PDE4B: variants seen among roughly 807,000 people sequenced by gnomAD.
PDE4B encodes the protein phosphodiesterase 4B.
PDE4B carries 20 observed loss-of-function variants against 82.2 expected under a neutral mutation model. The observed-to-expected ratio is 0.24, with a 90% CI of 0.17 to 0.35. The LOEUF (loss-of-function observed/expected upper bound fraction) is 0.35. PDE4B is among the 10% of genes least tolerant of loss of function. The pLI is 1.00. For missense variants in PDE4B, 655 were observed against 907.2 expected (o/e 0.72, Z 3.57); for synonymous variants, 320 against 318.9 (o/e 1.00, Z -0.04).
At chr1:66,074,176 G>A (rs1656302630) in intron 3 of PDE4B, among the ~76,000 whole-genome samples, 1 of 152,140 alleles carries the variant, frequency 6.6e-6, no homozygotes, top group Non-Finnish European at 1.5e-5. Context: ...AGAGGGACTG[G>A]AAGACCTTTG....
intron 3 of PDE4B, among the ~76,000 whole-genome samples, chr1:66,122,677 T>C (rs557945763): frequency 1.3e-5 from 2 of 150,634 alleles, no homozygotes; most frequent in Admixed American, 6.7e-5. Flanking sequence ...TGAGTTTCTT[T>C]AGGATTTTTT....
chr1:66,358,902 TA>T (rs962284312), intron 9 of PDE4B, among the ~76,000 whole-genome samples: 3 of 151,746 alleles, frequency 2.0e-5, no homozygotes, highest in Non-Finnish European at 4.4e-5. Context: ...TCCTATCTTT[TA>T]AAAAAAAGTG....
chr1:66,214,320 A>G (rs1650287411), intron 3 of PDE4B, among the ~76,000 whole-genome samples: 1 of 152,160 alleles, frequency 6.6e-6, no homozygotes, highest in South Asian at 2.1e-4. Context: ...TTATTCATTC[A>G]TTACTTTCCC....
chr1:66,077,181 A>C (rs1343289871), intron 3 of PDE4B, among the ~76,000 whole-genome samples: 2 of 152,174 alleles, frequency 1.3e-5, no homozygotes, highest in East Asian at 3.9e-4. Flanking sequence ...TCTTGAGTTA[A>C]TATTTATATA....
chr1:65,994,052 G>GT (rs1295845056), intron 3 of PDE4B, among the ~76,000 whole-genome samples: 1 of 152,090 alleles, frequency 6.6e-6, no homozygotes, highest in East Asian at 1.9e-4. Context: ...CTGTACCTTA[G>GT]TTTTTTCTAG....
chr1:65,932,548 C>T (rs1297475452), intron 3 of PDE4B, among the ~76,000 whole-genome samples: 3 of 151,764 alleles, frequency 2.0e-5, no homozygotes. Context: ...CAACCCTACA[C>T]AAAGAGTCAA....
At chr1:66,087,261 T>C (rs979293512) in intron 3 of PDE4B, among the ~76,000 whole-genome samples, 9 of 152,130 alleles carry the variant, frequency 5.9e-5, no homozygotes, top group African/African-American at 2.2e-4. Flanking sequence ...TGCAAAATGA[T>C]CTGGAACAGT....
At chr1:65,987,071 A>T (rs1028061173) in intron 3 of PDE4B, among the ~76,000 whole-genome samples, 6 of 152,166 alleles carry the variant, frequency 3.9e-5, no homozygotes, top group Non-Finnish European at 8.8e-5. Context: ...GCAGTTGGAG[A>T]TGGGGAAACC....
rs1444722786 is a variant in PDE4B at position 65,865,426 on chromosome 1, T to G, written c.-70-47819T>G. ...TGGGGTTCCAGGTGCCTCTGGGGGG[T>G]GGCGGGGAGGGGAGGGGAGGAACAA... On this transcript the variant is annotated intron_variant, in intron 1 of 16. Transcript: ENST00000341517. Among the ~76,000 whole-genome samples, 13 of 129,422 alleles carry G rather than the reference T, an allele frequency of 1.0e-4. No homozygotes were observed. In the South Asian group the frequency reaches 1.1e-3, roughly 11 times the overall value. The allele number at this position is 129,422 out of a possible 152,430, so 84.9% of individuals were successfully genotyped here.
chr1:66,310,605 A>C (rs1658599992), intron 7 of PDE4B, among the ~76,000 whole-genome samples: 1 of 152,150 alleles, frequency 6.6e-6, no homozygotes. Flanking sequence ...GACCAAGTTC[A>C]TTTCTCTGTG....
intron 3 of PDE4B, among the ~76,000 whole-genome samples, chr1:66,110,849 T>G (rs1293962788): frequency 6.6e-6 from 1 of 152,102 alleles, no homozygotes; most frequent in Non-Finnish European, 1.5e-5. Flanking sequence ...CTATCACCAC[T>G]GCCTTCTGCA....
chr1:66,078,968 C>T (rs1009138105), intron 3 of PDE4B, among the ~76,000 whole-genome samples: 1 of 152,076 alleles, frequency 6.6e-6, no homozygotes, highest in Non-Finnish European at 1.5e-5. Flanking sequence ...CATCAATTCC[C>T]TTATTTATTC....
At chr1:65,850,689 GTA>G (rs370326822) in intron 1 of PDE4B, among the ~76,000 whole-genome samples, 2 of 151,556 alleles carry the variant, frequency 1.3e-5, no homozygotes, top group Non-Finnish European at 2.9e-5. Flanking sequence ...GCATGTGTGT[GTA>G]TATATATATA....
intron 1 of PDE4B, among the ~76,000 whole-genome samples, chr1:65,868,706 T>A (rs1390843231): frequency 1.3e-5 from 2 of 152,126 alleles, no homozygotes; most frequent in Non-Finnish European, 2.9e-5. Flanking sequence ...TGTTAGGAAT[T>A]GGGCCACGCA....
intron 3 of PDE4B, among the ~76,000 whole-genome samples, chr1:66,139,745 A>C (rs556367116): frequency 1.1e-4 from 16 of 149,030 alleles, no homozygotes; most frequent in Non-Finnish European, 2.2e-4. Flanking sequence ...CAAAAAAAAA[A>C]AAAAAAACAA....
chr1:66,112,566 A>G (rs1489201247), intron 3 of PDE4B, among the ~76,000 whole-genome samples: 2 of 152,182 alleles, frequency 1.3e-5, no homozygotes, highest in African/African-American at 4.8e-5. Context: ...GGTACAGATG[A>G]CAATTACAGG....
At chr1:66,070,200 C>T (rs1656079749) in intron 3 of PDE4B, among the ~76,000 whole-genome samples, 1 of 151,976 alleles carries the variant, frequency 6.6e-6, no homozygotes, top group Admixed American at 6.6e-5. Flanking sequence ...AGGGCAGGCA[C>T]CCTGTAAATG....
chr1:65,894,805 A>C (rs1646891345), intron 1 of PDE4B, among the ~76,000 whole-genome samples: 2 of 152,182 alleles, frequency 1.3e-5, no homozygotes, highest in African/African-American at 4.8e-5. Context: ...GTAAATCAAA[A>C]GCATAGTGAG....
At chr1:66,023,054 G>A (rs939747701) in intron 3 of PDE4B, among the ~76,000 whole-genome samples, 5 of 152,056 alleles carry the variant, frequency 3.3e-5, no homozygotes, top group Admixed American at 6.6e-5. Flanking sequence ...CATTGATTGT[G>A]TGGGGATTGT....
Sources: allele counts gnomAD v4.1 joint callset (sites outside exome capture counted in the v4.1 genomes callset), GRCh38; gene constraint gnomAD v4.1.1; transcripts MANE v1.5; gene names NCBI Gene and HGNC (gene_info 2026-07-23, HGNC 2026-07-21).